EVI5: variants seen among roughly 807,000 people sequenced by gnomAD.
EVI5 encodes the protein ecotropic viral integration site 5, also known as ecotropic viral integration site 5 protein homolog.
EVI5 carries 73 observed loss-of-function variants against 112.0 expected under a neutral mutation model. The observed-to-expected ratio is 0.65, with a 90% confidence interval of 0.54 to 0.79. The LOEUF is 0.79. Ranked by LOEUF, EVI5 falls within the 30% of genes least tolerant of loss-of-function variation. The pLI is 0.00. For missense variants in EVI5, 900 were observed against 968.8 expected (o/e 0.93, Z 0.94); for synonymous variants, 305 against 319.9 (o/e 0.95, Z 0.50).
chr1:92,594,857 C>T lies in EVI5; in HGVS notation c.2070+10450G>A, dbSNP rs1337806196. Among the ~76,000 whole-genome samples, 4 of 151,776 alleles carry T rather than the reference C, an allele frequency of 2.6e-5. No homozygotes were observed. The East Asian group carries it at 5.8e-4, about 22-fold the overall frequency. On this transcript the variant is annotated intron_variant, in intron 18 of 19. Transcript: ENST00000684568. ...GCCATCAGAGAAATGCAAATCAAAA[C>T]CACAATGAGATACCATCTCACACCA...
At chr1:92,544,403 G>C (rs1029904203) in intron 19 of EVI5, among the ~76,000 whole-genome samples, 14 of 152,026 alleles carry the variant, frequency 9.2e-5, no homozygotes, top group African/African-American at 3.4e-4. Flanking sequence ...TCTAAGGAAA[G>C]GATACCAGAT....
intron 13 of EVI5, among the ~76,000 whole-genome samples, chr1:92,651,063 T>A (rs1661997599): frequency 6.6e-6 from 1 of 152,192 alleles, no homozygotes; most frequent in African/African-American, 2.4e-5. Context: ...TATTACCACC[T>A]GAAATTGTAT....
At chr1:92,754,131 A>C (rs1680575937) in intron 1 of EVI5, among the ~76,000 whole-genome samples, 1 of 152,210 alleles carries the variant, frequency 6.6e-6, no homozygotes, top group Non-Finnish European at 1.5e-5. Context: ...ATTCAGAAGA[A>C]ACAATGTGGT....
intron 18 of EVI5, among the ~76,000 whole-genome samples, chr1:92,593,019 G>C (rs1674259991): frequency 6.6e-6 from 1 of 152,178 alleles, no homozygotes; most frequent in Admixed American, 6.5e-5. Flanking sequence ...CTTTCCTTCT[G>C]AAACTATTCC....
At chr1:92,781,785 T>C (rs1387177124) in intron 1 of EVI5, among the ~76,000 whole-genome samples, 1 of 151,730 alleles carries the variant, frequency 6.6e-6, no homozygotes, top group Admixed American at 6.6e-5. Flanking sequence ...CAAAACCCCA[T>C]TTCCACTAAA....
chr1:92,517,123 G>C (rs1363045044), intron 19 of EVI5, among the ~76,000 whole-genome samples: 2 of 152,140 alleles, frequency 1.3e-5, no homozygotes, highest in South Asian at 2.1e-4. Context: ...GTATCAGTGC[G>C]ACCCACATTC....
intron 18 of EVI5, among the ~76,000 whole-genome samples, chr1:92,595,770 G>A (rs1317357236): frequency 6.6e-6 from 1 of 152,124 alleles, no homozygotes; most frequent in African/African-American, 2.4e-5. Flanking sequence ...CTTACAAGGA[G>A]GGCCAGAGTT....
At chr1:92,558,998 G>A (rs1489344913) in intron 19 of EVI5, among the ~76,000 whole-genome samples, 1 of 152,132 alleles carries the variant, frequency 6.6e-6, no homozygotes, top group Non-Finnish European at 1.5e-5. Flanking sequence ...GTGGGAGAAT[G>A]GGTCCAGGAT....
At position 92,704,627 on chromosome 1, in the gene EVI5, ATCT is replaced by A. The variant is rs1169438051; in HGVS notation, c.264_266del (p.Glu88del). Reference sequence around the variant, plus strand: ...CAATTCTTCCCCAAAGAATCCAAGAATCTTCTTCAAGGTGACTGAGGTTGCTAG... The same window carrying A: ...CAATTCTTCCCCAAAGAATCCAAGAATCTTCAAGGTGACTGAGGTTGCTAG... On this transcript the variant is annotated inframe_deletion, in exon 3 of 20. Transcript: ENST00000684568. 4.4e-6 allele frequency: 7 copies of A among 1,602,744 alleles called. No individual in the cohort carries two copies. The highest frequency in any genetic ancestry group is 1.7e-4 in the Middle Eastern group (1 of 6,026).
chr1:92,767,953 G>A (rs970749510), intron 1 of EVI5, among the ~76,000 whole-genome samples: 6 of 151,902 alleles, frequency 3.9e-5, no homozygotes, highest in Non-Finnish European at 8.8e-5. Context: ...GGTGGCAAAC[G>A]CCTATAATCC....
At chr1:92,579,471 A>G (rs920158621) in intron 18 of EVI5, among the ~76,000 whole-genome samples, 5 of 152,238 alleles carry the variant, frequency 3.3e-5, no homozygotes, top group Non-Finnish European at 7.3e-5. Context: ...AAGACAGCCT[A>G]TAAAAAATAT....
intron 16 of EVI5, among the ~76,000 whole-genome samples, chr1:92,618,064 T>C (rs1043164354): frequency 1.3e-5 from 2 of 152,158 alleles, no homozygotes; most frequent in Admixed American, 6.5e-5. Flanking sequence ...GAAGTCACAA[T>C]TACAATGTCA....
At chr1:92,700,296 A>G (rs1670949749) in intron 5 of EVI5, among the ~76,000 whole-genome samples, 1 of 152,260 alleles carries the variant, frequency 6.6e-6, no homozygotes, top group African/African-American at 2.4e-5. Flanking sequence ...CAAAACATAC[A>G]TACTTCTAAC....
At chr1:92,559,297 G>C (rs550556740) in intron 19 of EVI5, among the ~76,000 whole-genome samples, 1 of 152,220 alleles carries the variant, frequency 6.6e-6, no homozygotes, top group Admixed American at 6.5e-5. Context: ...CGGATACAGA[G>C]GACCAATTGC....
At chr1:92,535,556 C>T (rs1183194492) in intron 19 of EVI5, among the ~76,000 whole-genome samples, 1 of 152,192 alleles carries the variant, frequency 6.6e-6, no homozygotes, top group African/African-American at 2.4e-5. Flanking sequence ...GGCACATATA[C>T]ACCATGGAAT....
intron 19 of EVI5, among the ~76,000 whole-genome samples, chr1:92,518,230 T>C (rs1660283731): frequency 6.6e-6 from 1 of 152,162 alleles, no homozygotes; most frequent in South Asian, 2.1e-4. Flanking sequence ...TTGTCTTTCC[T>C]AATTTTTGAA....
At chr1:92,574,419 T>C (rs1670738029) in intron 18 of EVI5, among the ~76,000 whole-genome samples, 1 of 152,200 alleles carries the variant, frequency 6.6e-6, no homozygotes, top group Non-Finnish European at 1.5e-5. Flanking sequence ...TTAAATGTGA[T>C]GGTGCATCAA....
At chr1:92,761,239 T>C (rs1570822696) in intron 1 of EVI5, among the ~76,000 whole-genome samples, 1 of 152,080 alleles carries the variant, frequency 6.6e-6, no homozygotes, top group Non-Finnish European at 1.5e-5. Context: ...GGCAGGTAGG[T>C]GAATGACAGG....
chr1:92,550,352 TG>T (rs1557764864), intron 19 of EVI5, among the ~76,000 whole-genome samples: 1 of 40,240 alleles, frequency 2.5e-5, no homozygotes, highest in Non-Finnish European at 4.4e-5. Flanking sequence ...TGTCATGGGG[TG>T]GGGGGAGGGG....
Sources: gnomAD v4.1 joint callset for allele counts (sites outside exome capture counted in the v4.1 genomes callset) on GRCh38, gnomAD v4.1.1 for gene constraint, MANE v1.5 for transcripts, NCBI Gene and HGNC (gene_info 2026-07-23, HGNC 2026-07-21) for gene names.